Variants in RCC1 observed in about 807,000 individuals in gnomAD.
RCC1 encodes regulator of chromosome condensation 1, also known as regulator of chromosome condensation.
RCC1 carries 11 observed loss-of-function variants against 44.4 expected under a neutral mutation model. That is an observed-to-expected ratio of 0.25 (90% confidence interval 0.16 to 0.41). The LOEUF (loss-of-function observed/expected upper bound fraction) is 0.41, where lower values mean the gene tolerates loss of function less well. Ranked by LOEUF, RCC1 falls within the 10% of genes least tolerant of loss-of-function variation. The pLI is 1.00. For missense variants in RCC1, 386 were observed against 547.1 expected, an observed-to-expected ratio of 0.71 and a Z score of 2.94; for synonymous variants, 213 against 216.5, an observed-to-expected ratio of 0.98 and a Z score of 0.14.
chr1:28,520,629 C>T (rs1322397387), intron 4 of RCC1, among the ~76,000 whole-genome samples: 2 of 152,134 alleles, frequency 1.3e-5, no homozygotes, highest in East Asian at 3.9e-4. Context: ...GAAGCTGACT[C>T]TGTAGCCGAC....
At chr1:28,529,632 G>T (rs1299987378) in intron 4 of RCC1, among the ~76,000 whole-genome samples, 2 of 151,950 alleles carry the variant, frequency 1.3e-5, no homozygotes, top group African/African-American at 4.8e-5. Context: ...TGAACATTCG[G>T]GTTCTGTTTT....
chr1:28,516,942 G>A (rs761768429), intron 4 of RCC1, 75 bp downstream of exon 4: 55 of 445,304 alleles, frequency 1.2e-4, no homozygotes, highest in Non-Finnish European at 2.1e-4. Context: ...CCAACATGGC[G>A]AAACCCAGTC....
At chr1:28,507,925 T>C (rs1662148459) in intron 1 of RCC1, 45 of 304,072 alleles carry the variant, frequency 1.5e-4, no homozygotes, top group South Asian at 1.2e-3. Context: ...TCTTAATACA[T>C]GTTTAAGAAA....
chr1:28,512,560 A>G (rs1662629467), intron 3 of RCC1, among the ~76,000 whole-genome samples: 1 of 151,982 alleles, frequency 6.6e-6, no homozygotes, highest in Non-Finnish European at 1.5e-5. Flanking sequence ...TTGCTCATCT[A>G]TTCCTAGTTT....
At chr1:28,521,516 A>T (rs1244832382) in intron 4 of RCC1, among the ~76,000 whole-genome samples, 1 of 142,938 alleles carries the variant, frequency 7.0e-6, no homozygotes, top group African/African-American at 2.6e-5. Context: ...AAAAAAAAAA[A>T]AAAAAAAGAA....
chr1:28,520,352 CTGGAGGTCA>C (rs1663191308), intron 4 of RCC1, among the ~76,000 whole-genome samples: 1 of 152,188 alleles, frequency 6.6e-6, no homozygotes, highest in African/African-American at 2.4e-5. Flanking sequence ...GGTGAGGTCA[CTGGAGGTCA>C]GGGCAGGAGC....
intron 5 of RCC1, among the ~76,000 whole-genome samples, 189 bp from the exon 6 acceptor site, chr1:28,531,614 C>T (rs759627790): frequency 6.7e-6 from 1 of 149,966 alleles, no homozygotes; most frequent in Non-Finnish European, 1.5e-5. Context: ...TTCTTAATCT[C>T]CACAAAAATC....
chr1:28,533,845 CTTTTTTTTTTTTTTT>C (rs1168443435), intron 7 of RCC1, among the ~76,000 whole-genome samples: 4 of 46,868 alleles, frequency 8.5e-5, no homozygotes, highest in East Asian at 1.1e-3. Flanking sequence ...CTTTTCTTTT[CTTTTTTTTTTTTTTT>C]TTTTTTTTTT....
intron 7 of RCC1, among the ~76,000 whole-genome samples, chr1:28,534,182 T>A (rs1336193635): frequency 6.6e-6 from 1 of 151,980 alleles, no homozygotes; most frequent in Non-Finnish European, 1.5e-5. Flanking sequence ...TGGCCTCTTT[T>A]CTTTTTTCTT....
intron 2 of RCC1, 105 bp downstream of exon 2, chr1:28,508,265 C>A: frequency 2.7e-6 from 1 of 367,068 alleles, no homozygotes; most frequent in Non-Finnish European, 5.5e-6. Context: ...TCAGGATTTA[C>A]CTCTGAGGCA....
intron 1 of RCC1, chr1:28,507,664 G>T: frequency 2.5e-6 from 1 of 399,282 alleles, no homozygotes. Flanking sequence ...GTGCAGTGGC[G>T]CACTCCATTG....
intron 7 of RCC1, among the ~76,000 whole-genome samples, chr1:28,534,079 T>C (rs1043567860): frequency 2.0e-5 from 3 of 151,554 alleles, no homozygotes; most frequent in African/African-American, 7.3e-5. Context: ...GGTTTCACCA[T>C]GTTGGCCAGG....
At chr1:28,526,608 G>T (rs1241465864) in intron 4 of RCC1, 15 of 536,042 alleles carry the variant, frequency 2.8e-5, no homozygotes, top group Non-Finnish European at 5.2e-5. Flanking sequence ...GAAATCCAAA[G>T]GATAGGGCTG....
At chr1:28,510,918 C>T (rs1224204799) in intron 3 of RCC1, 2 of 152,156 alleles carry the variant, frequency 1.3e-5, no homozygotes, top group Non-Finnish European at 2.9e-5. Context: ...TGTTTTCAAT[C>T]CATATACTCA....
At chr1:28,510,501 G>A (rs1287713264) in intron 3 of RCC1, 1 of 152,228 alleles carries the variant, frequency 6.6e-6, no homozygotes, top group Non-Finnish European at 1.5e-5. Context: ...TGCACCTGTG[G>A]GAGGCTGAGG....
intron 4 of RCC1, among the ~76,000 whole-genome samples, chr1:28,524,110 C>T (rs775003994): frequency 1.3e-5 from 2 of 152,202 alleles, no homozygotes; most frequent in African/African-American, 2.4e-5. Flanking sequence ...CCACCGTGCC[C>T]GGCCACAAAG....
In RCC1 at chr1:28,537,775, A is replaced by T. The variant is rs373738342; in HGVS notation, c.1091-57A>T. The T allele has an allele frequency of 1.3e-5, 20 of 1,531,086 alleles. No individual in the cohort carries two copies. The African/African-American group carries it at 2.2e-4, about 17-fold the overall frequency. 94.8% of individuals were successfully genotyped at this position (1,531,086 alleles called of 1,614,324 possible). ...GCCCATGTCCCAGGTTTCTCCTGCT[A>T]CAGAAAGGTGGGCTGGGGATCCTGG... On this transcript the variant is annotated intron_variant, in intron 12 of 12. Coordinates refer to ENST00000683442, the MANE Select transcript of RCC1 (RefSeq NM_001381865.2).
intron 4 of RCC1, among the ~76,000 whole-genome samples, chr1:28,523,637 G>C (rs1470385164): frequency 1.3e-5 from 2 of 152,158 alleles, no homozygotes; most frequent in Non-Finnish European, 2.9e-5. Flanking sequence ...TGGCAGCCCA[G>C]CCATCAGCAC....
intron 5 of RCC1, chr1:28,530,727 G>A: frequency 1.2e-6 from 1 of 839,210 alleles, no homozygotes; most frequent in Non-Finnish European, 1.8e-6. Flanking sequence ...TGCGGGTTGG[G>A]GGGCCGCCTT....
Sources: allele counts gnomAD v4.1 joint callset (sites outside exome capture counted in the v4.1 genomes callset), GRCh38; gene constraint gnomAD v4.1.1; transcripts MANE v1.5; gene names NCBI Gene and HGNC (gene_info 2026-07-23, HGNC 2026-07-21).